Variants in KRT8 observed in about 807,000 individuals in gnomAD.
KRT8 encodes the protein keratin 8, also known as keratin, type II cytoskeletal 8.
KRT8 carries 24 observed loss-of-function variants against 43.0 expected under a neutral mutation model. The ratio of observed to expected loss-of-function variants is 0.56; its 90% CI spans 0.40 to 0.78. The LOEUF is 0.78. Ranked by LOEUF, KRT8 falls within the 30% of genes least tolerant of loss-of-function variation. The pLI is 0.00. For missense variants in KRT8, 492 were observed against 638.4 expected, an observed-to-expected ratio of 0.77 and a Z score of 2.47; for synonymous variants, 214 against 261.2, an observed-to-expected ratio of 0.82 and a Z score of 1.74.
chr12:52,902,701 C>T (rs1941403535), intron 1 of KRT8, among the ~76,000 whole-genome samples: 1 of 151,878 alleles, frequency 6.6e-6, no homozygotes, highest in Non-Finnish European at 1.5e-5. Flanking sequence ...AATAGCCAAC[C>T]TTTCTAAAGA....
At chr12:52,918,016 G>C (rs202043782) in intron 2 of KRT8, among the ~76,000 whole-genome samples, 1 of 80,918 alleles carries the variant, frequency 1.2e-5, no homozygotes, top group African/African-American at 4.8e-5. Context: ...GAAGAAGAAG[G>C]AGAAGAAGAA....
chr12:52,939,987 T>C (rs1942239760), intron 2 of KRT8, among the ~76,000 whole-genome samples: 1 of 152,028 alleles, frequency 6.6e-6, no homozygotes, highest in African/African-American at 2.4e-5. Context: ...AAATAAATAT[T>C]CATCTACTGG....
At chr12:52,949,117 G>A (rs1942408848) in intron 2 of KRT8, 1 of 1,528,290 alleles carries the variant, frequency 6.5e-7, no homozygotes, top group Non-Finnish European at 9.0e-7. Context: ...GGCTCGCGCA[G>A]GCCGCCACCG....
chr12:52,930,222 T>A (rs1379662503), intron 2 of KRT8, among the ~76,000 whole-genome samples: 1 of 152,192 alleles, frequency 6.6e-6, no homozygotes, highest in Non-Finnish European at 1.5e-5. Context: ...CTATCATTTT[T>A]TTTTTTTTTC....
At chr12:52,901,033 T>C in intron 3 of KRT8, 126 bp downstream of exon 3, 1 of 798,198 alleles carries the variant, frequency 1.3e-6, no homozygotes, top group South Asian at 1.3e-5. Context: ...TGCACCCAAA[T>C]GTTTACATAA....
exon 5 of KRT8, chr12:52,899,852 G>A (rs559323883): frequency 9.8e-5 from 158 of 1,612,214 alleles, no homozygotes; most frequent in East Asian, 2.0e-4. Flanking sequence ...GTCTTTGTGC[G>A]CCGCAGGTCA....
In KRT8 at chr12:52,935,378, C is replaced by CAAAAAAAA. The variant is rs71092794; in HGVS notation, c.-47+14070_-47+14077dup. 1.6e-3 allele frequency among the ~76,000 whole-genome samples: 39 copies of CAAAAAAAA among 23,754 alleles called. 6 individuals are homozygous for CAAAAAAAA. The highest frequency in any genetic ancestry group is 7.6e-3 in the African/African-American group (39 of 5,158). The allele number at this position is 23,754 out of a possible 152,430, so 15.6% of individuals were successfully genotyped here. Reference sequence around the variant, plus strand: ...TGGGTGACAGAGCAAGACTCTGTCTCAAAAAAAAAAAAAAAAAAAAAAAAA... The same window carrying CAAAAAAAA: ...TGGGTGACAGAGCAAGACTCTGTCTCAAAAAAAAAAAAAAAAAAAAAAAAAAAAAAAAA... On this transcript the variant is annotated intron_variant, in intron 2 of 6. Transcript: ENST00000546826.
intron 2 of KRT8, among the ~76,000 whole-genome samples, chr12:52,932,754 T>C (rs1942105064): frequency 6.6e-6 from 1 of 151,826 alleles, no homozygotes; most frequent in Non-Finnish European, 1.5e-5. Flanking sequence ...CAGTGAGCTA[T>C]GATCACCAAT....
At chr12:52,948,484 T>A (rs1942384922) in intron 2 of KRT8, 1 of 125,064 alleles carries the variant, frequency 8.0e-6, no homozygotes, top group Non-Finnish European at 1.6e-5. Flanking sequence ...GACCCCCAAA[T>A]TTCTTTTTTC....
At chr12:52,904,863 C>A in exon 1 of KRT8, 3 of 1,612,784 alleles carry the variant, frequency 1.9e-6, no homozygotes, top group Non-Finnish European at 2.5e-6. Flanking sequence ...GCTGCCCACT[C>A]GGGAGAAGCT....
In KRT8 at chr12:52,918,091, GAAGAAGAGGAAGAAGA is replaced by G. The variant is rs1565725385; in HGVS notation, c.-46-13080_-46-13065del. 4.5e-4 allele frequency among the ~76,000 whole-genome samples: 62 copies of G among 136,668 alleles called. 1 individual carries two copies. Among genetic ancestry groups the G allele is most frequent in the African/African-American group, 1.5e-3 (50 of 34,256 alleles). 89.7% of individuals were successfully genotyped at this position (136,668 alleles called of 152,430 possible). On this transcript the variant is annotated intron_variant, in intron 2 of 6. Transcript: ENST00000546826. ...AAGAAGAAGAGGAGGAGGAGGAGAA[GAAGAAGAGGAAGAAGA>G]AGAAGAAGAAGAGGAAGAAGAAGGA...
At chr12:52,944,517 G>C (rs537171928) in intron 2 of KRT8, among the ~76,000 whole-genome samples, 1 of 152,318 alleles carries the variant, frequency 6.6e-6, no homozygotes, top group Non-Finnish European at 1.5e-5. Flanking sequence ...CACCTGAGGA[G>C]AAGCCAACAG....
chr12:52,934,921 G>T (rs983257421), intron 2 of KRT8, among the ~76,000 whole-genome samples: 1 of 150,870 alleles, frequency 6.6e-6, no homozygotes, highest in Non-Finnish European at 1.5e-5. Flanking sequence ...GTGAGCCGAG[G>T]TCGCACCATT....
chr12:52,945,831 T>C (rs1942335334), intron 2 of KRT8, among the ~76,000 whole-genome samples: 2 of 152,010 alleles, frequency 1.3e-5, no homozygotes, highest in African/African-American at 4.8e-5. Context: ...CTCCACCCTT[T>C]CCCGGGACTG....
chr12:52,899,851 C>A, exon 5 of KRT8: 4 of 1,612,200 alleles, frequency 2.5e-6, no homozygotes, highest in Non-Finnish European at 2.5e-6. Flanking sequence ...AGTCTTTGTG[C>A]GCCGCAGGTC....
At chr12:52,902,310 A>G (rs540267445) in intron 1 of KRT8, 1 of 552,078 alleles carries the variant, frequency 1.8e-6, no homozygotes, top group African/African-American at 1.9e-5. Flanking sequence ...CAGGTAAGGT[A>G]ATTATGTTAA....
At chr12:52,928,660 T>C (rs1420320446) in intron 2 of KRT8, among the ~76,000 whole-genome samples, 1 of 152,174 alleles carries the variant, frequency 6.6e-6, no homozygotes, top group African/African-American at 2.4e-5. Context: ...ATCCCAGCAC[T>C]TTGGGAGTCC....
At position 52,949,478 on chromosome 12, in the gene KRT8, A is replaced by T. The variant is rs144926827; in HGVS notation, c.-69T>A. 63 of 1,613,398 alleles carry T rather than the reference A, an allele frequency of 3.9e-5. No individual in the cohort carries two copies. The highest frequency in any genetic ancestry group is 5.1e-5 in the Non-Finnish European group (60 of 1,180,052). On this transcript the variant is annotated 5_prime_UTR_variant, in exon 2 of 7. Coordinates refer to the KRT8 transcript ENST00000546826. ...TACCTGGACAGAGTGAGGAGCCTGG[A>T]GACCGAGAACCGGAGGCTGGAGAGC...
chr12:52,933,913 C>A (rs1040724509), intron 2 of KRT8, among the ~76,000 whole-genome samples: 21 of 151,864 alleles, frequency 1.4e-4, no homozygotes, highest in Admixed American at 3.9e-4. Flanking sequence ...GCGTGAGCCA[C>A]CTCGCCCAGG....
Sources: gnomAD v4.1 joint callset for allele counts (sites outside exome capture counted in the v4.1 genomes callset) on GRCh38, gnomAD v4.1.1 for gene constraint, MANE v1.5 for transcripts, NCBI Gene and HGNC (gene_info 2026-07-23, HGNC 2026-07-21) for gene names.